PRKCQ: variants seen among roughly 807,000 people sequenced by gnomAD.
PRKCQ encodes the protein protein kinase C theta.
A neutral mutation model predicts 91.2 loss-of-function variants in PRKCQ; 41 were observed. The ratio of observed to expected loss-of-function variants is 0.45; its 90% CI spans 0.35 to 0.58. PRKCQ has a LOEUF of 0.58. PRKCQ is among the 20% of genes least tolerant of loss of function. PRKCQ has a pLI of 0.00. For synonymous variants in PRKCQ, 307 were observed against 316.9 expected (o/e 0.97, Z 0.33); for missense variants, 673 against 896.5 (o/e 0.75, Z 3.18).
intron 3 of PRKCQ, among the ~76,000 whole-genome samples, chr10:6,508,220 T>C (rs1838296252): frequency 6.6e-6 from 1 of 152,168 alleles, no homozygotes; most frequent in Non-Finnish European, 1.5e-5. Flanking sequence ...CAAATCCAAG[T>C]TCAAGACAAG....
chr10:6,499,955 C>G (rs555558041), intron 4 of PRKCQ, among the ~76,000 whole-genome samples: 1 of 152,300 alleles, frequency 6.6e-6, no homozygotes, highest in Non-Finnish European at 1.5e-5. Flanking sequence ...CTGTAGTGTC[C>G]GCAGATTTGT....
intron 14 of PRKCQ, among the ~76,000 whole-genome samples, chr10:6,459,048 G>GCC: frequency 6.6e-6 from 1 of 152,230 alleles, no homozygotes; most frequent in South Asian, 2.1e-4. Flanking sequence ...CAGCAGCCTT[G>GCC]CCCCTGAAGC....
intron 16 of PRKCQ, among the ~76,000 whole-genome samples, chr10:6,434,251 T>C (rs958272040): frequency 2.6e-5 from 4 of 152,184 alleles, no homozygotes; most frequent in Non-Finnish European, 5.9e-5. Context: ...TGGAAGTAAC[T>C]GCCCTGGGCC....
At chr10:6,460,274 A>T (rs1210357586) in intron 14 of PRKCQ, among the ~76,000 whole-genome samples, 1 of 152,142 alleles carries the variant, frequency 6.6e-6, no homozygotes, top group East Asian at 1.9e-4. Flanking sequence ...TTGTGATAGT[A>T]AAGCTACTTA....
the PRKCQ span, among the ~76,000 whole-genome samples, chr10:6,395,724 A>G: frequency 6.6e-6 from 1 of 152,182 alleles, no homozygotes; most frequent in African/African-American, 2.4e-5. Flanking sequence ...CAGCCCAGGA[A>G]TAAACAAGGA....
At chr10:6,504,804 T>A (rs937242265) in intron 4 of PRKCQ, among the ~76,000 whole-genome samples, 1 of 152,324 alleles carries the variant, frequency 6.6e-6, no homozygotes, top group East Asian at 1.9e-4. Context: ...ACTTTGGTTT[T>A]TAAAATTAGA....
chr10:6,452,570 T>G (rs1327583940), intron 15 of PRKCQ, among the ~76,000 whole-genome samples: 1 of 149,788 alleles, frequency 6.7e-6, no homozygotes, highest in East Asian at 2.0e-4. Context: ...TGGAAAAAAC[T>G]ACTTCAAAGT....
chr10:6,559,619 A>T (rs1237294563), intron 1 of PRKCQ, among the ~76,000 whole-genome samples: 1 of 152,186 alleles, frequency 6.6e-6, no homozygotes, highest in African/African-American at 2.4e-5. Flanking sequence ...TCGGCCTCCC[A>T]AAGTGCTGAG....
rs115195981 is a variant in PRKCQ, at chr10:6,458,226, G to A, written c.1509-1414C>T. Among the ~76,000 whole-genome samples, 1,089 of 152,340 alleles carry A rather than the reference G, an allele frequency of 7.1e-3. 14 individuals carry two copies. Among genetic ancestry groups the A allele is most frequent in the African/African-American group, 0.024 (1,013 of 41,576 alleles). On this transcript the variant is annotated intron_variant, in intron 14 of 17. Coordinates refer to ENST00000263125, the MANE Select transcript of PRKCQ (RefSeq NM_006257.5). The stretch of plus-strand genomic sequence containing the variant: ...TGGGATTATAGGCGTGAGCCACTGC[G>A]CCTGGCCAGCTCTGAGGGATCTAGG...
At chr10:6,445,123 A>C (rs151043692) in intron 15 of PRKCQ, among the ~76,000 whole-genome samples, 3,940 of 38,538 alleles carry the variant, frequency 0.1, 74 homozygotes, top group Middle Eastern at 0.21. Context: ...GACTCTGTCA[A>C]AAAAAAAAAA....
In PRKCQ at chr10:6,465,048, A is replaced by G. The variant is rs1381617900; in HGVS notation, c.1354-644T>C. On this transcript the variant is annotated intron_variant, in intron 12 of 17. Transcript: ENST00000263125. This position sits in a 1 kb window ranked among gnomAD's most constrained non-coding sequence, Gnocchi z 4.4. ...GTGCCAGGCACTTAGGGCACTTAGC[A>G]TGTGCCGATTGTATACTTATTGAAA... is the stretch of plus-strand genomic sequence containing the variant. Among the ~76,000 whole-genome samples the G allele has an allele frequency of 2.0e-5, 3 of 152,124 alleles. No homozygotes were observed. The highest frequency in any genetic ancestry group is 4.4e-5 in the Non-Finnish European group (3 of 68,020).
intron 1 of PRKCQ, among the ~76,000 whole-genome samples, chr10:6,557,846 G>A (rs1397846081): frequency 4.6e-5 from 7 of 152,132 alleles, no homozygotes; most frequent in Non-Finnish European, 7.3e-5. Context: ...TTCCAAGCTA[G>A]AAATATTGGA....
intron 1 of PRKCQ, among the ~76,000 whole-genome samples, chr10:6,545,575 G>A (rs760865898): frequency 7.2e-5 from 11 of 152,178 alleles, no homozygotes; most frequent in Non-Finnish European, 1.3e-4. Flanking sequence ...TGTGGCTCCC[G>A]GGAACTTGGA....
intron 12 of PRKCQ, among the ~76,000 whole-genome samples, chr10:6,476,789 T>A (rs1204052653): frequency 6.6e-6 from 1 of 152,196 alleles, no homozygotes; most frequent in Non-Finnish European, 1.5e-5. Context: ...AGGGAAAAGA[T>A]TACAGGGAGC....
At chr10:6,439,180 A>C (rs1051328181) in intron 16 of PRKCQ, among the ~76,000 whole-genome samples, 9 of 152,034 alleles carry the variant, frequency 5.9e-5, no homozygotes, top group African/African-American at 2.2e-4. Flanking sequence ...CTCCTGGCTC[A>C]CACCTTGTGA....
chr10:6,404,217 T>G, the PRKCQ span, among the ~76,000 whole-genome samples: 3 of 98,276 alleles, frequency 3.1e-5, no homozygotes, highest in East Asian at 3.7e-4. Context: ...AAGAAAAAAC[T>G]AGAGAGAGAG....
chr10:6,416,284 G>C, the PRKCQ span, among the ~76,000 whole-genome samples: 2 of 151,856 alleles, frequency 1.3e-5, no homozygotes, highest in Non-Finnish European at 2.9e-5. Context: ...GTTCTTTAGC[G>C]GTGATTTCTG....
chr10:6,444,417 G>A (rs558294215), intron 15 of PRKCQ, among the ~76,000 whole-genome samples: 8 of 152,058 alleles, frequency 5.3e-5, no homozygotes, highest in South Asian at 2.1e-4. Flanking sequence ...TTCATGTTAC[G>A]TGTATTTTCC....
chr10:6,514,927 T>C (rs1427431557), intron 2 of PRKCQ, 91 bp downstream of exon 2: 2 of 1,584,808 alleles, frequency 1.3e-6, no homozygotes, highest in South Asian at 1.1e-5. Context: ...CACCAGATGA[T>C]GTCAAATGTC....
Sources: gnomAD v4.1 joint callset for allele counts (sites outside exome capture counted in the v4.1 genomes callset) on GRCh38, gnomAD v4.1.1 for gene constraint, Gnocchi (gnomAD v3.1) non-coding constraint, MANE v1.5 for transcripts, NCBI Gene and HGNC (gene_info 2026-07-23, HGNC 2026-07-21) for gene names.